The following CDH18 variants were observed in gnomAD, a reference collection of about 807,000 sequenced individuals.
CDH18 encodes cadherin-18.
CDH18 carries 31 observed loss-of-function variants against 67.9 expected under a neutral mutation model. That is an observed-to-expected ratio of 0.46 (90% CI 0.34 to 0.62). The LOEUF is 0.62. Ranked by LOEUF, CDH18 falls within the 20% of genes least tolerant of loss-of-function variation. CDH18 has a pLI of 0.01. For missense variants in CDH18, 890 were observed against 975.5 expected (o/e 0.91, Z 1.17); for synonymous variants, 362 against 347.2 (o/e 1.04, Z -0.48).
intron 1 of CDH18, among the ~76,000 whole-genome samples, chr5:20,346,839 T>G (rs1561992144): frequency 6.6e-6 from 1 of 152,182 alleles, no homozygotes; most frequent in African/African-American, 2.4e-5. Flanking sequence ...TCAAGTGTAA[T>G]TGAACAATAT....
At position 19,591,260 on chromosome 5, in the gene CDH18, T is replaced by G; in HGVS notation, c.812-16A>C. On this transcript the variant is annotated splice_polypyrimidine_tract_variant and intron_variant, in intron 6 of 12. Coordinates refer to ENST00000382275, the MANE Select transcript of CDH18 (RefSeq NM_004934.5). The stretch of plus-strand genomic sequence containing the variant: ...TGATAGTGTTCTGGAAGACATTTCA[T>G]ATTAAACATATTTAAATACAATGTT... 1 of 1,496,442 alleles carries G rather than the reference T, an allele frequency of 6.7e-7. No individual in the cohort carries two copies. Among genetic ancestry groups the G allele is most frequent in the Non-Finnish European group, 9.0e-7 (1 of 1,105,916 alleles). The allele number at this position is 1,496,442 out of a possible 1,614,324, so 92.7% of individuals were successfully genotyped here.
At chr5:20,243,816 G>T (rs2973195) in intron 2 of CDH18, among the ~76,000 whole-genome samples, 100,706 of 151,922 alleles carry the variant, frequency 0.66, 33,485 homozygotes, top group Middle Eastern at 0.76. Context: ...ACTTTATAAT[G>T]GAAAGGCACT....
intron 1 of CDH18, among the ~76,000 whole-genome samples, chr5:20,508,710 G>A (rs999377336): frequency 2.4e-4 from 36 of 152,046 alleles, no homozygotes; most frequent in Middle Eastern, 3.4e-3. Flanking sequence ...TATCACAGTA[G>A]TGATCTTAGG....
chr5:19,684,531 T>G (rs1760790113), intron 5 of CDH18, among the ~76,000 whole-genome samples: 1 of 151,000 alleles, frequency 6.6e-6, no homozygotes, highest in African/African-American at 2.4e-5. Flanking sequence ...AATAATAAAA[T>G]ACAGAATAGC....
At chr5:20,245,100 A>C (rs1439742133) in intron 2 of CDH18, among the ~76,000 whole-genome samples, 1 of 152,136 alleles carries the variant, frequency 6.6e-6, no homozygotes. Context: ...CAGTTCTATA[A>C]AATGGCTTTT....
chr5:20,056,166 T>G (rs1235182863), intron 2 of CDH18, among the ~76,000 whole-genome samples: 1 of 150,880 alleles, frequency 6.6e-6, no homozygotes, highest in East Asian at 1.9e-4. Flanking sequence ...CACTATGCCT[T>G]GCTAATTTTT....
At chr5:19,819,990 C>G (rs1233243650) in intron 3 of CDH18, among the ~76,000 whole-genome samples, 1 of 152,150 alleles carries the variant, frequency 6.6e-6, no homozygotes, top group Non-Finnish European at 1.5e-5. Context: ...CCAGTAGAGT[C>G]AGGGGTCCCA....
chr5:20,086,353 T>C (rs906454887), intron 2 of CDH18, among the ~76,000 whole-genome samples: 7 of 152,222 alleles, frequency 4.6e-5, no homozygotes, highest in Non-Finnish European at 7.3e-5. Context: ...CAAAGTGAGC[T>C]AGCAAGTGCT....
chr5:20,327,552 C>T (rs34611034), intron 1 of CDH18, among the ~76,000 whole-genome samples: 20,084 of 151,884 alleles, frequency 0.13, 1,413 homozygotes, highest in African/African-American at 0.15. Flanking sequence ...CACAGATGCT[C>T]CTGTGGCTCC....
intron 1 of CDH18, chr5:20,305,188 G>T (rs779126778): frequency 1.4e-6 from 2 of 1,415,886 alleles, no homozygotes; most frequent in South Asian, 1.2e-5. Flanking sequence ...GTTTCCATTC[G>T]ACAGTCCTTC....
intron 4 of CDH18, among the ~76,000 whole-genome samples, chr5:19,741,294 C>A (rs867915945): frequency 7.1e-6 from 1 of 140,440 alleles, no homozygotes; most frequent in Non-Finnish European, 1.5e-5. Flanking sequence ...TATATACATA[C>A]ATATATGTAC....
At position 19,906,175 on chromosome 5, in the gene CDH18, T is replaced by C. The variant is rs138915838; in HGVS notation, c.-256-66933A>G. The stretch of plus-strand genomic sequence containing the variant: ...GTGAAAGAGGTTAAAAAAAGAAACT[T>C]GACATGAATTCCATGATAGCAGGGA... On this transcript the variant is annotated intron_variant, in intron 2 of 12. Coordinates refer to ENST00000382275, the MANE Select transcript of CDH18 (RefSeq NM_004934.5). Among the ~76,000 whole-genome samples, 476 of 151,984 alleles carry C rather than the reference T, an allele frequency of 3.1e-3. 2 individuals carry two copies. The highest frequency in any genetic ancestry group is 8.9e-3 in the South Asian group (43 of 4,822).
chr5:19,809,833 C>T (rs973519257), intron 3 of CDH18, among the ~76,000 whole-genome samples: 3 of 152,066 alleles, frequency 2.0e-5, no homozygotes, highest in Admixed American at 6.6e-5. Flanking sequence ...CCACTAAGAA[C>T]CCCATTTTTT....
At chr5:19,775,881 G>A (rs1433354797) in intron 3 of CDH18, among the ~76,000 whole-genome samples, 52 of 152,148 alleles carry the variant, frequency 3.4e-4, no homozygotes, top group Non-Finnish European at 1.5e-4. Context: ...GAACTCATAA[G>A]CTAGAGTTCA....
Position 20,266,571 on chromosome 5 carries a change from A to ATTTTTTTTTTTTTTTTT in CDH18, c.-579-11083_-579-11067dup, listed in dbSNP as rs34718835. On this transcript the variant is annotated intron_variant, in intron 1 of 14. Coordinates refer to the CDH18 transcript ENST00000507958. ...GGCACGTGCCGGCACGCCCGGCTGAATTTTTTTTTTTTTTTTTTTTTTTTT... is the reference window on the plus strand; with the variant it reads ...GGCACGTGCCGGCACGCCCGGCTGAATTTTTTTTTTTTTTTTTTTTTTTTTTTTTTTTTTTTTTTTTT... Among the ~76,000 whole-genome samples the ATTTTTTTTTTTTTTTTT allele has an allele frequency of 1.0e-3, 62 of 59,180 alleles. 4 individuals are homozygous for ATTTTTTTTTTTTTTTTT. The highest frequency in any genetic ancestry group is 3.5e-3 in the African/African-American group (50 of 14,114). The allele number at this position is 59,180 out of a possible 152,430, so 38.8% of individuals were successfully genotyped here.
At chr5:20,073,844 T>G (rs1743697484) in intron 2 of CDH18, among the ~76,000 whole-genome samples, 1 of 152,072 alleles carries the variant, frequency 6.6e-6, no homozygotes, top group Admixed American at 6.5e-5. Context: ...ACTTTCAGGA[T>G]TATTGATATG....
At chr5:20,369,866 C>T (rs900563147) in intron 1 of CDH18, among the ~76,000 whole-genome samples, 1 of 151,778 alleles carries the variant, frequency 6.6e-6, no homozygotes. Flanking sequence ...CCATTTTTTC[C>T]TTCAACTTTT....
intron 1 of CDH18, among the ~76,000 whole-genome samples, chr5:20,260,717 A>G (rs1372412691): frequency 3.3e-5 from 5 of 152,164 alleles, no homozygotes; most frequent in African/African-American, 7.2e-5. Context: ...ATGTTACATT[A>G]TAAGACTCCA....
chr5:19,516,312 A>T (rs947777932), intron 10 of CDH18, among the ~76,000 whole-genome samples: 4 of 151,864 alleles, frequency 2.6e-5, no homozygotes, highest in African/African-American at 4.8e-5. Flanking sequence ...AAAATTCTCT[A>T]TTTTTGTTGT....
Sources: allele counts gnomAD v4.1 joint callset (sites outside exome capture counted in the v4.1 genomes callset), GRCh38; gene constraint gnomAD v4.1.1; transcripts MANE v1.5; gene names NCBI Gene and HGNC (gene_info 2026-07-23, HGNC 2026-07-21).